JAZF1: variants seen among roughly 807,000 people sequenced by gnomAD.
JAZF1 encodes the protein JAZF zinc finger 1, also known as juxtaposed with another zinc finger protein 1.
JAZF1 carries 8 observed loss-of-function variants against 26.4 expected under a neutral mutation model. The observed-to-expected ratio is 0.30, with a 90% CI of 0.18 to 0.55. The LOEUF (loss-of-function observed/expected upper bound fraction) is 0.55. Among genes scored for constraint, JAZF1 ranks in the 20% least tolerant of loss-of-function variants. The pLI is 0.94. For synonymous variants in JAZF1, 126 were observed against 122.3 expected (o/e 1.03, Z -0.20); for missense variants, 199 against 322.0 (o/e 0.62, Z 2.92).
At chr7:28,055,178 T>C (rs914544089) in intron 1 of JAZF1, among the ~76,000 whole-genome samples, 3 of 141,796 alleles carry the variant, frequency 2.1e-5, no homozygotes, top group African/African-American at 7.9e-5. Flanking sequence ...AAAAAAAAAT[T>C]TTTGCAATGA....
At chr7:27,958,265 T>C (rs1037530689) in intron 2 of JAZF1, among the ~76,000 whole-genome samples, 1 of 152,230 alleles carries the variant, frequency 6.6e-6, no homozygotes, top group Non-Finnish European at 1.5e-5. Flanking sequence ...AAGAAAATGC[T>C]CAAAATGTGC....
At chr7:27,900,198 G>A (rs974363350) in intron 2 of JAZF1, among the ~76,000 whole-genome samples, 1 of 152,314 alleles carries the variant, frequency 6.6e-6, no homozygotes, top group East Asian at 1.9e-4. Flanking sequence ...GTGTGCTGGA[G>A]CTGGCTCATA....
At chr7:27,907,300 A>G (rs767394728) in intron 2 of JAZF1, among the ~76,000 whole-genome samples, 1 of 152,218 alleles carries the variant, frequency 6.6e-6, no homozygotes, top group Non-Finnish European at 1.5e-5. Context: ...TTGGCTCCAC[A>G]TAATACTCAA....
At chr7:27,989,638 C>T (rs1043714014) in intron 2 of JAZF1, among the ~76,000 whole-genome samples, 12 of 152,180 alleles carry the variant, frequency 7.9e-5, no homozygotes, top group African/African-American at 2.9e-4. Context: ...TGAACAGACG[C>T]TTCTCAAAAG....
intron 1 of JAZF1, among the ~76,000 whole-genome samples, chr7:28,064,331 A>T (rs1363370626): frequency 6.6e-6 from 1 of 152,162 alleles, no homozygotes; most frequent in East Asian, 1.9e-4. Flanking sequence ...GAAGGAAACT[A>T]TGTAAAAATC....
chr7:27,945,439 T>G (rs11763181), intron 2 of JAZF1, among the ~76,000 whole-genome samples: 133,249 of 152,154 alleles, frequency 0.88, 58,832 homozygotes, highest in South Asian at 0.97. Flanking sequence ...GCACCTCTTC[T>G]TAACCCAGGC....
chr7:27,915,616 CT>C (rs1784434843), intron 2 of JAZF1, among the ~76,000 whole-genome samples: 1 of 152,156 alleles, frequency 6.6e-6, no homozygotes, highest in African/African-American at 2.4e-5. Context: ...CAAAGTTTCA[CT>C]GATGTTCTTC....
At chr7:27,989,855 C>G (rs1458733793) in intron 2 of JAZF1, among the ~76,000 whole-genome samples, 1 of 152,138 alleles carries the variant, frequency 6.6e-6, no homozygotes, top group African/African-American at 2.4e-5. Context: ...ACTAGTTCAA[C>G]CATTGTGGAA....
intron 1 of JAZF1, among the ~76,000 whole-genome samples, chr7:28,113,566 C>G (rs1353325980): frequency 6.6e-6 from 1 of 152,168 alleles, no homozygotes; most frequent in Non-Finnish European, 1.5e-5. Flanking sequence ...TCCTATTTAC[C>G]AAAACCTACT....
intron 3 of JAZF1, among the ~76,000 whole-genome samples, chr7:27,879,438 G>A (rs927748214): frequency 6.6e-6 from 1 of 152,164 alleles, no homozygotes; most frequent in Non-Finnish European, 1.5e-5. Flanking sequence ...ATCATGAACA[G>A]AGAGGGAAAT....
At chr7:28,152,018 A>C (rs1783118200) in intron 1 of JAZF1, among the ~76,000 whole-genome samples, 1 of 152,222 alleles carries the variant, frequency 6.6e-6, no homozygotes, top group Non-Finnish European at 1.5e-5. Flanking sequence ...GATTTCCCAA[A>C]TCAAACCAGC....
chr7:28,146,216 A>G (rs758155790), intron 1 of JAZF1, among the ~76,000 whole-genome samples: 7 of 152,252 alleles, frequency 4.6e-5, no homozygotes, highest in Non-Finnish European at 1.0e-4. Context: ...ACTAAGGAGC[A>G]GAAGCCAGCA....
At chr7:27,951,248 T>A (rs1408485967) in intron 2 of JAZF1, among the ~76,000 whole-genome samples, 5 of 152,222 alleles carry the variant, frequency 3.3e-5, no homozygotes, top group African/African-American at 4.8e-5. Flanking sequence ...CCTGTAGGAA[T>A]GCTACTCTGG....
chr7:28,131,558 G>A (rs1782794047), intron 1 of JAZF1, among the ~76,000 whole-genome samples: 1 of 152,128 alleles, frequency 6.6e-6, no homozygotes, highest in African/African-American at 2.4e-5. Context: ...AAAATGAACA[G>A]ACATTTGGTC....
In JAZF1 at chr7:27,830,840, ATAAG is replaced by A. The variant is rs869183715; in HGVS notation, c.*1956_*1959del. 1.9e-5 allele frequency: 4 copies of A among 209,262 alleles called. No homozygotes were observed. The highest frequency in any genetic ancestry group is 2.3e-5 in the African/African-American group (1 of 44,052). The allele number at this position is 209,262 out of a possible 1,614,324, so 13.0% of individuals were successfully genotyped here. On this transcript the variant is annotated 3_prime_UTR_variant, in exon 5 of 5. Transcript: ENST00000283928. The stretch of plus-strand genomic sequence containing the variant: ...CTGTTTAGTAATACTGTCACAATGA[ATAAG>A]TAAATAGAAATTGGAATTTATCTTT...
chr7:28,006,087 T>C (rs1228723366), intron 1 of JAZF1, among the ~76,000 whole-genome samples: 1 of 152,084 alleles, frequency 6.6e-6, no homozygotes, highest in African/African-American at 2.4e-5. Context: ...TGGTACATGA[T>C]AAATACTTAA....
rs1163653411 is a variant in JAZF1, at chr7:27,840,624, G to A, written c.555+74C>T. The stretch of plus-strand genomic sequence containing the variant: ...GCCCATACGCTCGCTTTAAAATCAA[G>A]AAAGGGCTGCTGCCTTCCATGAAGC... On this transcript the variant is annotated intron_variant, in intron 4 of 4. Transcript: ENST00000283928. The surrounding 1 kb of genome is among the most constrained non-coding windows in gnomAD (Gnocchi z 5.1). 2 of 1,494,278 alleles carry A rather than the reference G, an allele frequency of 1.3e-6. No individual in the cohort carries two copies. Among genetic ancestry groups the A allele is most frequent in the Admixed American group, 3.6e-5 (2 of 55,574 alleles). 92.6% of individuals were successfully genotyped at this position (1,494,278 alleles called of 1,614,324 possible).
intron 1 of JAZF1, among the ~76,000 whole-genome samples, chr7:28,179,898 G>A (rs1417429298): frequency 1.4e-5 from 2 of 146,702 alleles, no homozygotes; most frequent in Non-Finnish European, 3.0e-5. Flanking sequence ...AATGGCTGCC[G>A]CGGTGGAGCC....
At chr7:28,035,330 A>G (rs1214431454) in intron 1 of JAZF1, among the ~76,000 whole-genome samples, 5 of 142,938 alleles carry the variant, frequency 3.5e-5, no homozygotes, top group Admixed American at 7.0e-5. Flanking sequence ...AAAAAAAAAA[A>G]AAAAAAAAAA....
Sources: allele counts gnomAD v4.1 joint callset (sites outside exome capture counted in the v4.1 genomes callset), GRCh38; gene constraint gnomAD v4.1.1; non-coding constraint Gnocchi (gnomAD v3.1); transcripts MANE v1.5; gene names NCBI Gene and HGNC (gene_info 2026-07-23, HGNC 2026-07-21).